Variants in FLNC observed in about 807,000 individuals in gnomAD.
FLNC encodes filamin C.
A neutral mutation model predicts 254.3 loss-of-function variants in FLNC; 91 were observed. The observed-to-expected ratio is 0.36, with a 90% confidence interval of 0.30 to 0.43. The LOEUF (loss-of-function observed/expected upper bound fraction) is 0.43, where lower values mean the gene tolerates loss of function less well. FLNC is among the 20% of genes least tolerant of loss of function. FLNC has a pLI of 1.00. For synonymous variants in FLNC, 1,430 were observed against 1,577.2 expected, an observed-to-expected ratio of 0.91 and a Z score of 2.21; for missense variants, 2,853 against 3,802.6, an observed-to-expected ratio of 0.75 and a Z score of 6.57.
rs571239463 is a variant in FLNC at position 128,854,562 on chromosome 7, C to T, written c.6877C>T (p.Arg2293Cys). The T allele has an allele frequency of 6.2e-6, 10 of 1,608,394 alleles. No individual in the cohort carries two copies. The highest frequency in any genetic ancestry group is 1.1e-5 in the South Asian group (1 of 90,210). ...MGPHTVAVKY[R>C]GQHVPGSPFQ... ...GCCCCATACGGTCGCTGTCAAGTAC[C>T]GTGGCCAGCACGTGCCCGGCAGCCC... The change falls in exon 41 of 48, where the codon CGT becomes TGT. Residue 2293 changes from arginine (R) to cysteine (C), a missense_variant. Arg to Cys is a radical substitution (Grantham distance 180). Around this residue, in one of 10 missense-constraint regions of FLNC, gnomAD observed 551 missense variants for 835.0 expected, o/e 0.66. Transcript: ENST00000325888.
chr7:128,830,850 C>T lies in FLNC; in HGVS notation c.213C>T (p.Ile71=), dbSNP rs2128932186. Residue 71 remains isoleucine (I), a synonymous_variant, in exon 1 of 48, where the codon ATC becomes ATT. Transcript: ENST00000325888. ...QRDLSDGLRL[I]ALLEVLSQKR... ...ACCTCAGCGACGGGCTCCGGCTCAT[C>T]GCGCTGCTCGAGGTGCTCAGCCAGA... The T allele has an allele frequency of 6.2e-7, 1 of 1,613,130 alleles. No individual in the cohort carries two copies. The highest frequency in any genetic ancestry group is 8.5e-7 in the Non-Finnish European group (1 of 1,179,964).
At chr7:128,855,075 A>ATGTGTC in intron 42 of FLNC, 124 bp from the exon 43 acceptor site, 5 of 1,043,722 alleles carry the variant, frequency 4.8e-6, no homozygotes, top group Non-Finnish European at 7.5e-6. Flanking sequence ...CCTCAGAAAC[A>ATGTGTC]TGTGTCTGCC....
chr7:128,857,408 C>A lies in FLNC; in HGVS notation c.7780+72C>A. The A allele has an allele frequency of 2.2e-6, 2 of 924,058 alleles. No homozygotes were observed. The highest frequency in any genetic ancestry group is 2.0e-5 in the Admixed American group (1 of 50,946). The allele number at this position is 924,058 out of a possible 1,614,324, so 57.2% of individuals were successfully genotyped here. On this transcript the variant is annotated intron_variant, in intron 46 of 47. Transcript: ENST00000325888. This position sits in a 1 kb window ranked among gnomAD's most constrained non-coding sequence, Gnocchi z 4.5. ...AGCCTGGAGGGCTCCGGTGGCCACG[C>A]ACATCTAGGCCATAGTCTGCCCCCA... is the stretch of plus-strand genomic sequence containing the variant.
In FLNC at chr7:128,846,290, C is replaced by G; in HGVS notation, c.3965-11C>G. On this transcript the variant is annotated splice_polypyrimidine_tract_variant and intron_variant, in intron 22 of 47. Transcript: ENST00000325888. ...CACTCCCTGATTGATGCCCCTGTGGCTGGCTTCCAGGCGTGCATCTGGTGG... is the reference window on the plus strand; with the variant it reads ...CACTCCCTGATTGATGCCCCTGTGGGTGGCTTCCAGGCGTGCATCTGGTGG... 1 of 1,613,708 alleles carries G rather than the reference C, an allele frequency of 6.2e-7. No homozygotes were observed. The highest frequency in any genetic ancestry group is 8.5e-7 in the Non-Finnish European group (1 of 1,179,916).
At position 128,848,572 on chromosome 7, in the gene FLNC, T is replaced by A; in HGVS notation, c.4592T>A (p.Ile1531Asn). ...TTCTGCTCCTCAAGCCCCTTCAAGA[T>A]CAAGGTCCTCCCAGCTCATGATGCC... ...DQEVPRSPFK[I>N]KVLPAHDASK... is the part of the protein sequence containing the mutation. The change falls in exon 27 of 48, where the codon ATC becomes AAC. Residue 1531 changes from isoleucine to asparagine, a missense_variant. Ile to Asn is a moderately radical substitution (Grantham distance 149, BLOSUM62 -3). Around this residue, in one of 10 missense-constraint regions of FLNC, gnomAD observed 1,573 missense variants for 1,883.5 expected, o/e 0.84. Transcript: ENST00000325888. 1 of 1,613,912 alleles carries A rather than the reference T, an allele frequency of 6.2e-7. No individual in the cohort carries two copies. The highest frequency in any genetic ancestry group is 8.5e-7 in the Non-Finnish European group (1 of 1,180,004).
In FLNC at chr7:128,857,935, C is replaced by T. The variant is rs896702261; in HGVS notation, c.7781-73C>T. 22 of 1,140,120 alleles carry T rather than the reference C, an allele frequency of 1.9e-5. No homozygotes were observed. Among genetic ancestry groups the T allele is most frequent in the Admixed American group, 3.9e-5 (2 of 50,740 alleles). The allele number at this position is 1,140,120 out of a possible 1,614,324, so 70.6% of individuals were successfully genotyped here. A position where few individuals can be genotyped will look rare whatever the true frequency, so the allele number is the denominator to read the frequency against. On this transcript the variant is annotated intron_variant, in intron 46 of 47. Transcript: ENST00000325888. The surrounding 1 kb of genome is among the most constrained non-coding windows in gnomAD (Gnocchi z 4.5). ...AGTCCCACAGGGTGGCAGTGCTGGC[C>T]GAGGGTCCCCTGCCTGGGGAAGAAC... is the stretch of plus-strand genomic sequence containing the variant.
intron 1 of FLNC, among the ~76,000 whole-genome samples, chr7:128,833,569 A>T (rs1366630268): frequency 6.6e-6 from 1 of 152,082 alleles, no homozygotes; most frequent in East Asian, 1.9e-4. Flanking sequence ...GCTGGGGAGA[A>T]ACTTCCCTCT....
chr7:128,839,940 TAGA>T, intron 8 of FLNC, 80 bp from the exon 9 acceptor site: 1 of 1,557,966 alleles, frequency 6.4e-7, no homozygotes, highest in Non-Finnish European at 8.7e-7. Context: ...TGGGAGGGGT[TAGA>T]AGGACTGTGC....
At position 128,846,787 on chromosome 7, in the gene FLNC, C is replaced by T. The variant is rs750156834; in HGVS notation, c.4170C>T (p.Pro1390=). 1.2e-6 allele frequency: 2 copies of T among 1,614,084 alleles called. No individual in the cohort carries two copies. The highest frequency in any genetic ancestry group is 2.2e-5 in the East Asian group (1 of 44,892). Residue 1390 remains proline (P), a synonymous_variant, in exon 24 of 48, where the codon CCC becomes CCT. Transcript: ENST00000325888. The part of the protein sequence containing the change: ...TGGLGLAIEG[P]SEAKMSCKDN... ...GCCTTGGCCTAGCCATCGAGGGTCC[C>T]TCGGAAGCCAAGATGTCCTGCAAGG... is the stretch of plus-strand genomic sequence containing the variant.
At chr7:128,855,411 C>T in intron 43 of FLNC, 97 bp downstream of exon 43, 1 of 829,972 alleles carries the variant, frequency 1.2e-6, no homozygotes, top group Non-Finnish European at 2.0e-6. Context: ...TTAGCAGTGA[C>T]CTTGGAAGGG....
chr7:128,850,833 C>T lies in FLNC; in HGVS notation c.5429C>T (p.Ala1810Val), dbSNP rs2128938228. 6.2e-7 allele frequency: 1 copy of T among 1,613,772 alleles called. No homozygotes were observed. Among genetic ancestry groups the T allele is most frequent in the East Asian group, 2.2e-5 (1 of 44,880 alleles). Reference protein sequence around the residue: ...GEVRMPSGKTARPNITDNKDG... With the variant: ...GEVRMPSGKTVRPNITDNKDG... ...GTGCGGATGCCCTCGGGGAAGACGGCACGGCCCAACATCACCGACAACAAG... is the reference window on the plus strand; with the variant it reads ...GTGCGGATGCCCTCGGGGAAGACGGTACGGCCCAACATCACCGACAACAAG... The change falls in exon 33 of 48, where the codon GCA becomes GTA. Residue 1810 changes from alanine (A) to valine (V), a missense_variant. Ala to Val is a moderately conservative substitution (Grantham distance 64). Coordinates refer to ENST00000325888, the MANE Select transcript of FLNC (RefSeq NM_001458.5).
rs895285145 is a variant in FLNC at position 128,843,050 on chromosome 7, G to A, written c.2550+96G>A. 141 of 1,494,756 alleles carry A rather than the reference G, an allele frequency of 9.4e-5. No individual in the cohort carries two copies. In the Admixed American group the frequency reaches 1.4e-3, roughly 15 times the overall value. 92.6% of individuals were successfully genotyped at this position (1,494,756 alleles called of 1,614,324 possible). ...ACTGGGAACAGGGAGGGATGATTCCGCAGACATGGTGGAGCCCTACCTGTG... is the reference window on the plus strand; with the variant it reads ...ACTGGGAACAGGGAGGGATGATTCCACAGACATGGTGGAGCCCTACCTGTG... On this transcript the variant is annotated intron_variant, in intron 16 of 47. Coordinates refer to ENST00000325888, the MANE Select transcript of FLNC (RefSeq NM_001458.5).
In FLNC at chr7:128,844,123, C is replaced by G; in HGVS notation, c.3049C>G (p.Pro1017Ala). The G allele has an allele frequency of 6.2e-7, 1 of 1,613,968 alleles. No individual in the cohort carries two copies. Among genetic ancestry groups the G allele is most frequent in the South Asian group, 1.1e-5 (1 of 91,086 alleles). The change falls in exon 20 of 48, where the codon CCA becomes GCA. Residue 1017 changes from proline (P) to alanine (A), a missense_variant. Transcript: ENST00000325888. ...SRRPIPCKLE[P>A]GGGAEAQAVR... ...CCGGCCCATCCCCTGCAAGCTGGAG[C>G]CAGGCGGTGGAGCGGAAGCCCAGGC...
Position 128,845,210 on chromosome 7 carries a change from G to C in FLNC, c.3745G>C (p.Asp1249His), listed in dbSNP as rs774968828. 2 of 1,613,840 alleles carry C rather than the reference G, an allele frequency of 1.2e-6. No homozygotes were observed. The highest frequency in any genetic ancestry group is 1.1e-5 in the South Asian group (1 of 91,070). ...PTRVHVQPAVDTSGVKVSGPG... is the reference protein window; with the variant it reads ...PTRVHVQPAVHTSGVKVSGPG... ...CCGTGTCCATGTGCAGCCTGCGGTC[G>C]ATACCAGTGGCGTCAAGGTCTCAGG... The change falls in exon 21 of 48, where the codon GAT becomes CAT. Residue 1249 changes from aspartate (D) to histidine (H), a missense_variant. Asp to His is a moderately conservative substitution (Grantham distance 81, BLOSUM62 -1). Transcript: ENST00000325888.
chr7:128,851,707 G>C (rs907955100), intron 35 of FLNC, 79 bp downstream of exon 35: 1 of 1,481,286 alleles, frequency 6.8e-7, no homozygotes, highest in Non-Finnish European at 9.4e-7. Flanking sequence ...AGCCCAGCCC[G>C]TTCAAGTCAC....
chr7:128,853,143 A>T (rs1384264598), intron 37 of FLNC, 112 bp downstream of exon 37: 1 of 1,124,094 alleles, frequency 8.9e-7, no homozygotes, highest in East Asian at 2.5e-5. Flanking sequence ...AAACTTCCTG[A>T]CCAGTCTGCG....
rs528741228 is a variant in FLNC, at chr7:128,832,561, G to C, written c.352+1572G>C. ...GGCTCTCGGCCCCTCTCCAGGCCTC[G>C]TCCTTCCTGAGCACACCTCTCCCCT... On this transcript the variant is annotated intron_variant, in intron 1 of 47. Coordinates refer to ENST00000325888, the MANE Select transcript of FLNC (RefSeq NM_001458.5). Among the ~76,000 whole-genome samples, 26 of 152,326 alleles carry C rather than the reference G, an allele frequency of 1.7e-4. No homozygotes were observed. The East Asian group carries it at 5.0e-3, about 29-fold the overall frequency.
intron 21 of FLNC, among the ~76,000 whole-genome samples, chr7:128,845,564 G>A (rs1194504387): frequency 1.3e-5 from 2 of 152,168 alleles, no homozygotes; most frequent in Non-Finnish European, 2.9e-5. Flanking sequence ...ACTCTGCTCT[G>A]GACGGGGGCA....
Position 128,854,780 on chromosome 7 carries a change from T to C in FLNC, c.7003T>C (p.Phe2335Leu). ...ACTACCTTGCCTGTCCCCAGCCGAGTTCAGCATCTGGACCCGGGAGGCTGG... is the reference window on the plus strand; with the variant it reads ...ACTACCTTGCCTGTCCCCAGCCGAGCTCAGCATCTGGACCCGGGAGGCTGG... Reference protein sequence around the residue: ...ERGVAGVPAEFSIWTREAGAG... With the variant: ...ERGVAGVPAELSIWTREAGAG... The change falls in exon 42 of 48, where the codon TTC becomes CTC. Residue 2335 changes from phenylalanine to leucine, a missense_variant. Physicochemically the swap from Phe to Leu is conservative, Grantham distance 22. Coordinates refer to ENST00000325888, the MANE Select transcript of FLNC (RefSeq NM_001458.5). 1 of 1,614,118 alleles carries C rather than the reference T, an allele frequency of 6.2e-7. No homozygotes were observed.
Sources: allele counts gnomAD v4.1 joint callset (sites outside exome capture counted in the v4.1 genomes callset), GRCh38; gene constraint gnomAD v4.1.1; regional missense constraint gnomAD v4.1.1; non-coding constraint Gnocchi (gnomAD v3.1); transcripts MANE v1.5; gene names NCBI Gene and HGNC (gene_info 2026-07-23, HGNC 2026-07-21).